PDE3B: variants seen among roughly 807,000 people sequenced by gnomAD.
PDE3B encodes the protein phosphodiesterase 3B, also known as cGMP-inhibited 3',5'-cyclic phosphodiesterase 3B.
In PDE3B, 66 loss-of-function variants were observed where a neutral mutation model predicts 116.8. The observed-to-expected ratio is 0.56, with a 90% CI of 0.46 to 0.69. PDE3B has a LOEUF of 0.69. PDE3B is among the 30% of genes least tolerant of loss of function. The probability of loss-of-function intolerance (pLI) is 0.00; values close to 1 mark genes in which losing one functional copy is unlikely to be tolerated. For missense variants in PDE3B, 1,384 were observed against 1,368.1 expected (o/e 1.01, Z -0.18); for synonymous variants, 595 against 533.6 (o/e 1.12, Z -1.59).
intron 1 of PDE3B, among the ~76,000 whole-genome samples, chr11:14,762,134 C>G (rs1378865570): frequency 6.6e-6 from 1 of 151,872 alleles, no homozygotes; most frequent in African/African-American, 2.4e-5. Context: ...TGGTGAGACC[C>G]TGTCTCTACG....
intron 1 of PDE3B, among the ~76,000 whole-genome samples, chr11:14,659,931 G>A (rs1441182074): frequency 6.6e-6 from 1 of 152,164 alleles, no homozygotes; most frequent in African/African-American, 2.4e-5. Context: ...AGCAGGCACA[G>A]CAGAAGCAGT....
intron 1 of PDE3B, among the ~76,000 whole-genome samples, chr11:14,697,530 A>G (rs1011977341): frequency 5.9e-5 from 9 of 152,038 alleles, no homozygotes; most frequent in Non-Finnish European, 7.4e-5. Flanking sequence ...TCAGTTCTCA[A>G]CTTTGTTCTT....
At chr11:14,874,429 G>A (rs1223005150), downstream of PDE3B, among the ~76,000 whole-genome samples, 1 of 151,916 alleles carries the variant, frequency 6.6e-6, no homozygotes, top group Non-Finnish European at 1.5e-5. Context: ...CATATTATTT[G>A]CTCTTTTCTT....
At chr11:14,733,435 G>A (rs1419729405) in intron 1 of PDE3B, among the ~76,000 whole-genome samples, 2 of 152,194 alleles carry the variant, frequency 1.3e-5, no homozygotes, top group East Asian at 1.9e-4. Context: ...GTTGGAAATT[G>A]AACAGTATTT....
intron 1 of PDE3B, among the ~76,000 whole-genome samples, chr11:14,653,849 T>A (rs1853633074): frequency 6.6e-6 from 1 of 151,948 alleles, no homozygotes; most frequent in Admixed American, 6.6e-5. Context: ...ATACAAAATA[T>A]TAGCTAGGCA....
chr11:14,768,969 C>T (rs554628345), intron 1 of PDE3B, among the ~76,000 whole-genome samples: 20 of 151,574 alleles, frequency 1.3e-4, no homozygotes, highest in African/African-American at 4.1e-4. Flanking sequence ...GCTCAAATTA[C>T]GCAGAAGGCA....
chr11:14,808,642 A>C (rs912685086), intron 5 of PDE3B, among the ~76,000 whole-genome samples: 2 of 147,298 alleles, frequency 1.4e-5, no homozygotes, highest in Admixed American at 1.4e-4. Context: ...TAAAATCCTA[A>C]GAAATTCACT....
chr11:14,700,086 G>A (rs1372507953), intron 1 of PDE3B, among the ~76,000 whole-genome samples: 1 of 151,716 alleles, frequency 6.6e-6, no homozygotes, highest in Admixed American at 6.6e-5. Flanking sequence ...GAGTTAAAGT[G>A]TTGGCCTGCT....
chr11:14,754,743 A>AAAAC (rs549491190), intron 1 of PDE3B, among the ~76,000 whole-genome samples: 9 of 152,120 alleles, frequency 5.9e-5, no homozygotes, highest in Non-Finnish European at 1.0e-4. Flanking sequence ...CATCTCTTTT[A>AAAAC]AAACAAACAA....
chr11:14,765,813 TTTTA>T (rs1194894649), intron 1 of PDE3B, among the ~76,000 whole-genome samples: 1 of 149,548 alleles, frequency 6.7e-6, no homozygotes, highest in Non-Finnish European at 1.5e-5. Context: ...AAAAATTTAA[TTTTA>T]TTTATTTTAT....
At chr11:14,665,006 C>G (rs1040943671) in intron 1 of PDE3B, among the ~76,000 whole-genome samples, 5 of 152,094 alleles carry the variant, frequency 3.3e-5, no homozygotes, top group African/African-American at 1.2e-4. Flanking sequence ...AACATTGATG[C>G]AAAAATCCTC....
intron 1 of PDE3B, among the ~76,000 whole-genome samples, chr11:14,758,428 A>T (rs1857258453): frequency 7.0e-6 from 1 of 142,796 alleles, no homozygotes; most frequent in Non-Finnish European, 1.5e-5. Flanking sequence ...GATTCTTCCT[A>T]CCCATGAGCA....
At chr11:14,803,895 A>C (rs1438652397) in intron 4 of PDE3B, 49 bp from the exon 5 acceptor site, 10 of 1,059,384 alleles carry the variant, frequency 9.4e-6, no homozygotes, top group Non-Finnish European at 1.5e-5. Context: ...AAAAAAGGTG[A>C]AACTTTTCCT....
At chr11:14,846,270 T>C (rs1040887239) in intron 12 of PDE3B, among the ~76,000 whole-genome samples, 2 of 152,100 alleles carry the variant, frequency 1.3e-5, no homozygotes, top group Non-Finnish European at 2.9e-5. Context: ...AATAAAATAC[T>C]TTACAGACAA....
chr11:14,667,133 A>C (rs1854184378), intron 1 of PDE3B, among the ~76,000 whole-genome samples: 1 of 152,172 alleles, frequency 6.6e-6, no homozygotes, highest in Non-Finnish European at 1.5e-5. Flanking sequence ...TGTCCTTTGT[A>C]GGGACATGGA....
chr11:14,705,573 G>A (rs1855507288), intron 1 of PDE3B, among the ~76,000 whole-genome samples: 1 of 151,746 alleles, frequency 6.6e-6, no homozygotes, highest in African/African-American at 2.4e-5. Context: ...TTGTCACACA[G>A]TTGTACAACA....
rs528429159 is a variant in PDE3B at position 14,658,900 on chromosome 11, C to G, written c.978+13847C>G. 5.6e-4 allele frequency among the ~76,000 whole-genome samples: 85 copies of G among 152,196 alleles called. 1 individual carries two copies. The Middle Eastern group carries it at 0.02, about 37-fold the overall frequency. The stretch of plus-strand genomic sequence containing the variant: ...CTTATTTATTTATGTGACCCTGGTG[C>G]TTGGCATATATCAAATAGTTTATTG... On this transcript the variant is annotated intron_variant, in intron 1 of 15. Coordinates refer to ENST00000282096, the MANE Select transcript of PDE3B (RefSeq NM_000922.4).
At chr11:14,798,088 AT>A (rs1858614017) in intron 4 of PDE3B, among the ~76,000 whole-genome samples, 2 of 152,180 alleles carry the variant, frequency 1.3e-5, no homozygotes, top group Admixed American at 1.3e-4. Flanking sequence ...AGCTCTTATT[AT>A]TTTGAGATAC....
chr11:14,837,159 T>C (rs1860083129), intron 11 of PDE3B, among the ~76,000 whole-genome samples: 1 of 152,210 alleles, frequency 6.6e-6, no homozygotes, highest in African/African-American at 2.4e-5. Flanking sequence ...AAATTTCTTT[T>C]TGACCCTGAC....
Sources: allele counts gnomAD v4.1 joint callset (sites outside exome capture counted in the v4.1 genomes callset), GRCh38; gene constraint gnomAD v4.1.1; transcripts MANE v1.5; gene names NCBI Gene and HGNC (gene_info 2026-07-23, HGNC 2026-07-21).